Variants in ST6GALNAC5 observed in about 807,000 individuals in gnomAD.
ST6GALNAC5 encodes ST6 N-acetylgalactosaminide alpha-2,6-sialyltransferase 5.
ST6GALNAC5 carries 27 observed loss-of-function variants against 33.6 expected under a neutral mutation model. The ratio of observed to expected loss-of-function variants is 0.80; its 90% CI spans 0.59 to 1.11. The LOEUF is 1.11. Among genes scored for constraint, ST6GALNAC5 ranks in the 50% least tolerant of loss-of-function variants. ST6GALNAC5 has a pLI of 0.00. For missense variants in ST6GALNAC5, 428 were observed against 454.0 expected (o/e 0.94, Z 0.52); for synonymous variants, 194 against 171.2 (o/e 1.13, Z -1.04).
intron 2 of ST6GALNAC5, among the ~76,000 whole-genome samples, chr1:77,042,105 A>G (rs1651851381): frequency 6.6e-6 from 1 of 152,206 alleles, no homozygotes; most frequent in Admixed American, 6.5e-5. Context: ...TCTACCCTTC[A>G]ATATTCTCAT....
At chr1:77,042,848 A>G (rs1252000083) in intron 2 of ST6GALNAC5, among the ~76,000 whole-genome samples, 1 of 152,180 alleles carries the variant, frequency 6.6e-6, no homozygotes, top group Non-Finnish European at 1.5e-5. Flanking sequence ...TAGAGATGAG[A>G]AAACTGAGAC....
chr1:76,981,533 C>G (rs956277204), intron 2 of ST6GALNAC5, among the ~76,000 whole-genome samples: 3 of 152,206 alleles, frequency 2.0e-5, no homozygotes, highest in Admixed American at 6.5e-5. Flanking sequence ...GACCTACTGC[C>G]TCTAGACTCC....
At chr1:76,901,283 A>C in intron 2 of ST6GALNAC5, among the ~76,000 whole-genome samples, 1 of 152,224 alleles carries the variant, frequency 6.6e-6, no homozygotes, top group Non-Finnish European at 1.5e-5. Flanking sequence ...ACTGTACATC[A>C]CAACATGCTG....
At chr1:77,008,119 A>G (rs1650496817) in intron 2 of ST6GALNAC5, among the ~76,000 whole-genome samples, 1 of 152,230 alleles carries the variant, frequency 6.6e-6, no homozygotes, top group African/African-American at 2.4e-5. Flanking sequence ...AGTGTATGTC[A>G]TCAGTACCTG....
At chr1:76,902,783 T>C (rs560319238) in intron 2 of ST6GALNAC5, among the ~76,000 whole-genome samples, 2 of 152,206 alleles carry the variant, frequency 1.3e-5, no homozygotes, top group South Asian at 4.1e-4. Context: ...GGTTATTCAA[T>C]AAAGAATATT....
At chr1:76,885,851 T>C (rs1030749729) in intron 2 of ST6GALNAC5, among the ~76,000 whole-genome samples, 3 of 152,230 alleles carry the variant, frequency 2.0e-5, no homozygotes, top group Non-Finnish European at 4.4e-5. Context: ...TTTTAAGTTT[T>C]GTAAATCATT....
chr1:77,066,410 A>G lies in ST6GALNAC5; in HGVS notation c.*3204A>G, dbSNP rs982939225. Among the ~76,000 whole-genome samples the G allele has an allele frequency of 2.4e-4, 36 of 152,220 alleles. No individual in the cohort carries two copies. Among genetic ancestry groups the G allele is most frequent in the Admixed American group, 2.3e-3 (35 of 15,282 alleles). The stretch of plus-strand genomic sequence containing the variant: ...ACTGATCTATTTGAATGACATGAGA[A>G]TGGAGGGAAATAATCTCATTTTGAA... On this transcript the variant is annotated 3_prime_UTR_variant, in exon 5 of 5. Coordinates refer to ENST00000477717, the MANE Select transcript of ST6GALNAC5 (RefSeq NM_030965.3).
chr1:76,971,363 G>A (rs887873392), intron 2 of ST6GALNAC5, among the ~76,000 whole-genome samples: 1 of 152,168 alleles, frequency 6.6e-6, no homozygotes, highest in Non-Finnish European at 1.5e-5. Flanking sequence ...TACGGGCCCA[G>A]AGCGAGGAGA....
chr1:76,941,140 A>G (rs1647324275), intron 2 of ST6GALNAC5, among the ~76,000 whole-genome samples: 1 of 152,096 alleles, frequency 6.6e-6, no homozygotes, highest in Non-Finnish European at 1.5e-5. Flanking sequence ...CTGTGAGCTT[A>G]GGCAATGGGT....
intron 2 of ST6GALNAC5, among the ~76,000 whole-genome samples, chr1:76,957,644 T>A (rs949038658): frequency 7.7e-6 from 1 of 130,364 alleles, no homozygotes; most frequent in Non-Finnish European, 1.6e-5. Flanking sequence ...ATTTTGTTAA[T>A]CCATTTGAAA....
At chr1:76,901,256 G>C (rs1040686664) in intron 2 of ST6GALNAC5, among the ~76,000 whole-genome samples, 1 of 152,166 alleles carries the variant, frequency 6.6e-6, no homozygotes, top group Non-Finnish European at 1.5e-5. Context: ...TGTATTTTCC[G>C]TACATTGAAA....
intron 3 of ST6GALNAC5, among the ~76,000 whole-genome samples, chr1:77,047,511 G>A (rs1652058102): frequency 6.6e-6 from 1 of 152,190 alleles, no homozygotes; most frequent in Non-Finnish European, 1.5e-5. Flanking sequence ...AATAGATTGT[G>A]ATTGATAGAA....
intron 2 of ST6GALNAC5, among the ~76,000 whole-genome samples, chr1:76,915,465 T>C (rs1440465234): frequency 6.6e-6 from 1 of 152,160 alleles, no homozygotes; most frequent in Non-Finnish European, 1.5e-5. Context: ...GATGATAGAC[T>C]GGATTAAGAA....
At chr1:77,031,560 A>G (rs1453725943) in intron 2 of ST6GALNAC5, among the ~76,000 whole-genome samples, 1 of 152,234 alleles carries the variant, frequency 6.6e-6, no homozygotes, top group Non-Finnish European at 1.5e-5. Flanking sequence ...AGTCAGGTTA[A>G]GTGTAATTGG....
intron 2 of ST6GALNAC5, among the ~76,000 whole-genome samples, chr1:77,043,713 G>C (rs1651908610): frequency 6.6e-6 from 1 of 152,182 alleles, no homozygotes; most frequent in Non-Finnish European, 1.5e-5. Flanking sequence ...GGTGAGTTAA[G>C]AGCATCACAA....
At chr1:76,947,113 A>T (rs1457756004) in intron 2 of ST6GALNAC5, among the ~76,000 whole-genome samples, 2 of 152,090 alleles carry the variant, frequency 1.3e-5, no homozygotes, top group Non-Finnish European at 2.9e-5. Flanking sequence ...TCAGCTCCAG[A>T]ATTCATACAT....
At chr1:77,036,009 T>C (rs958159900) in intron 2 of ST6GALNAC5, among the ~76,000 whole-genome samples, 1 of 152,188 alleles carries the variant, frequency 6.6e-6, no homozygotes, top group Non-Finnish European at 1.5e-5. Flanking sequence ...ACAAATCCAA[T>C]GTACATCGAA....
At chr1:76,886,181 AT>A (rs1653890457) in intron 2 of ST6GALNAC5, among the ~76,000 whole-genome samples, 1 of 152,202 alleles carries the variant, frequency 6.6e-6, no homozygotes, top group Admixed American at 6.5e-5. Context: ...CACAGTTATA[AT>A]TATCACATTT....
chr1:76,871,763 G>C (rs1285616032), intron 2 of ST6GALNAC5, among the ~76,000 whole-genome samples: 1 of 152,098 alleles, frequency 6.6e-6, no homozygotes, highest in Non-Finnish European at 1.5e-5. Flanking sequence ...TGTAATTTCA[G>C]TATCACTAAA....
Sources: allele counts gnomAD v4.1 joint callset (sites outside exome capture counted in the v4.1 genomes callset), GRCh38; gene constraint gnomAD v4.1.1; transcripts MANE v1.5; gene names NCBI Gene and HGNC (gene_info 2026-07-23, HGNC 2026-07-21).